Variants in NPR3 observed in about 807,000 individuals in gnomAD.
NPR3 encodes atrial natriuretic peptide receptor 3.
Under a neutral mutation model 54.5 loss-of-function variants are expected in NPR3, and 34 were observed. That is an observed-to-expected ratio of 0.62 (90% CI 0.47 to 0.83). The LOEUF is 0.83. Ranked by LOEUF, NPR3 falls within the 40% of genes least tolerant of loss-of-function variation. NPR3 has a pLI of 0.00. For synonymous variants in NPR3, 289 were observed against 297.1 expected (o/e 0.97, Z 0.28); for missense variants, 674 against 720.8 (o/e 0.94, Z 0.74).
At chr5:32,747,223 A>C (rs1292880338) in intron 3 of NPR3, among the ~76,000 whole-genome samples, 1 of 152,074 alleles carries the variant, frequency 6.6e-6, no homozygotes, top group African/African-American at 2.4e-5. Flanking sequence ...TGATAGTAAA[A>C]ATTTTGATAT....
At chr5:32,784,741 G>C in intron 6 of NPR3, 55 bp from the exon 7 acceptor site, 2 of 1,358,914 alleles carry the variant, frequency 1.5e-6, no homozygotes, top group South Asian at 1.2e-5. Flanking sequence ...GAAACTCGAG[G>C]CATTTCTAAC....
chr5:32,698,499 T>C (rs1420070957), intron 1 of NPR3, among the ~76,000 whole-genome samples: 1 of 152,190 alleles, frequency 6.6e-6, no homozygotes, highest in Non-Finnish European at 1.5e-5. Context: ...CCATTTGGTC[T>C]ATAATGCAGG....
At chr5:32,723,081 C>T (rs925979137) in intron 1 of NPR3, among the ~76,000 whole-genome samples, 5 of 152,272 alleles carry the variant, frequency 3.3e-5, no homozygotes, top group Middle Eastern at 3.4e-3. Flanking sequence ...TTGCCAAGGC[C>T]GCTTTGGCAT....
chr5:32,735,483 A>G (rs1465764828), intron 2 of NPR3, among the ~76,000 whole-genome samples: 1 of 151,170 alleles, frequency 6.6e-6, no homozygotes, highest in Non-Finnish European at 1.5e-5. Context: ...AAATACCAAA[A>G]AAAAAAAAAA....
At chr5:32,744,632 T>G (rs1740204438) in intron 3 of NPR3, among the ~76,000 whole-genome samples, 1 of 152,216 alleles carries the variant, frequency 6.6e-6, no homozygotes, top group African/African-American at 2.4e-5. Flanking sequence ...ATCATTTCTC[T>G]TACTTTTGTT....
At chr5:32,739,744 A>T (rs1457761816) in intron 3 of NPR3, among the ~76,000 whole-genome samples, 1 of 152,198 alleles carries the variant, frequency 6.6e-6, no homozygotes, top group Admixed American at 6.5e-5. Context: ...GCTTTGCTAC[A>T]TGGCCAACAT....
At chr5:32,704,878 G>A (rs1487134840), upstream of NPR3, among the ~76,000 whole-genome samples, 2 of 152,182 alleles carry the variant, frequency 1.3e-5, no homozygotes, top group Non-Finnish European at 2.9e-5. Flanking sequence ...TTTGGAAGAA[G>A]GCAGCGTACA....
intron 1 of NPR3, among the ~76,000 whole-genome samples, chr5:32,698,290 A>G (rs1278879900): frequency 6.6e-6 from 1 of 151,990 alleles, no homozygotes; most frequent in Non-Finnish European, 1.5e-5. Context: ...ATGTGTTTAT[A>G]TAGTTTTCAA....
At chr5:32,740,571 G>T (rs1464323959) in intron 3 of NPR3, among the ~76,000 whole-genome samples, 1 of 149,834 alleles carries the variant, frequency 6.7e-6, no homozygotes, top group Non-Finnish European at 1.5e-5. Flanking sequence ...GCCACATATA[G>T]AATTTAAAAT....
chr5:32,742,116 A>G (rs1038025063), intron 3 of NPR3, among the ~76,000 whole-genome samples: 1 of 151,692 alleles, frequency 6.6e-6, no homozygotes, highest in Non-Finnish European at 1.5e-5. Flanking sequence ...TGTGCTAATG[A>G]GTTGTCTCAT....
intron 4 of NPR3, among the ~76,000 whole-genome samples, chr5:32,776,748 A>G (rs988937961): frequency 1.3e-5 from 2 of 152,240 alleles, no homozygotes; most frequent in African/African-American, 2.4e-5. Context: ...AAGACATTTT[A>G]TGCAATCATT....
chr5:32,763,284 C>T (rs983009172), intron 3 of NPR3, among the ~76,000 whole-genome samples: 1 of 152,008 alleles, frequency 6.6e-6, no homozygotes, highest in African/African-American at 2.4e-5. Flanking sequence ...CAGCTTTGTT[C>T]TTTGCCCATC....
intron 3 of NPR3, among the ~76,000 whole-genome samples, chr5:32,765,282 G>A (rs1405982696): frequency 6.6e-6 from 1 of 152,176 alleles, no homozygotes; most frequent in East Asian, 1.9e-4. Context: ...AAAGGCCTCT[G>A]AGCAGCTAAA....
intron 1 of NPR3, among the ~76,000 whole-genome samples, chr5:32,699,974 C>G (rs922422394): frequency 2.0e-5 from 3 of 152,184 alleles, no homozygotes; most frequent in African/African-American, 7.2e-5. Context: ...ATATACTATT[C>G]TAGTTTAAAA....
chr5:32,705,560 T>C (rs1021322636), upstream of NPR3, among the ~76,000 whole-genome samples: 3 of 151,952 alleles, frequency 2.0e-5, no homozygotes, highest in African/African-American at 7.2e-5. Flanking sequence ...GGAAGAGGGA[T>C]GGGGAGGGGG....
chr5:32,791,019 TTTC>T lies in NPR3; in HGVS notation c.*4677_*4679del, dbSNP rs1263478929. 4 of 167,082 alleles carry T rather than the reference TTTC, an allele frequency of 2.4e-5. No homozygotes were observed. The highest frequency in any genetic ancestry group is 7.2e-5 in the African/African-American group (3 of 41,450). The allele number at this position is 167,082 out of a possible 1,614,324, so 10.3% of individuals were successfully genotyped here. ...AATCACAACATAGGCTACCAAAATA[TTTC>T]TTATTTGCTAGGAGAACAAAGCTGT... On this transcript the variant is annotated 3_prime_UTR_variant, in exon 8 of 8. Transcript: ENST00000265074.
chr5:32,710,372 T>G, upstream of NPR3: 5 of 198,920 alleles, frequency 2.5e-5, no homozygotes, highest in Admixed American at 6.2e-5. Context: ...GACAGTCCCT[T>G]TATTTAGGTA....
At chr5:32,782,227 C>T (rs936877292) in intron 5 of NPR3, among the ~76,000 whole-genome samples, 2 of 152,056 alleles carry the variant, frequency 1.3e-5, no homozygotes, top group Admixed American at 6.6e-5. Flanking sequence ...AGTCTGGCAA[C>T]CGGAAGTGGT....
intron 3 of NPR3, among the ~76,000 whole-genome samples, chr5:32,760,656 G>A (rs1741118747): frequency 6.7e-6 from 1 of 149,604 alleles, no homozygotes; most frequent in Non-Finnish European, 1.5e-5. Flanking sequence ...TGCGCTTTTT[G>A]ATGAGCAGTG....
Sources: gnomAD v4.1 joint callset for allele counts (sites outside exome capture counted in the v4.1 genomes callset) on GRCh38, gnomAD v4.1.1 for gene constraint, MANE v1.5 for transcripts, NCBI Gene and HGNC (gene_info 2026-07-23, HGNC 2026-07-21) for gene names.